Variants in GRID2 observed in about 807,000 individuals in gnomAD.
GRID2 encodes the protein glutamate ionotropic receptor delta type subunit 2, also known as glutamate receptor ionotropic, delta-2.
In GRID2, 33 loss-of-function variants were observed where a neutral mutation model predicts 114.8. The ratio of observed to expected loss-of-function variants is 0.29; its 90% CI spans 0.22 to 0.38. The LOEUF (loss-of-function observed/expected upper bound fraction) is 0.38. GRID2 is among the 10% of genes least tolerant of loss of function. The probability of loss-of-function intolerance (pLI) is 1.00; values close to 1 mark genes in which losing one functional copy is unlikely to be tolerated. For synonymous variants in GRID2, 505 were observed against 449.9 expected, an observed-to-expected ratio of 1.12 and a Z score of -1.55; for missense variants, 1,184 against 1,257.7, an observed-to-expected ratio of 0.94 and a Z score of 0.89.
At chr4:92,662,731 T>G (rs1405019039) in intron 2 of GRID2, among the ~76,000 whole-genome samples, 2 of 151,202 alleles carry the variant, frequency 1.3e-5, no homozygotes, top group African/African-American at 4.8e-5. Context: ...CTGGAACATA[T>G]ATTCCAAATC....
intron 2 of GRID2, among the ~76,000 whole-genome samples, chr4:92,940,082 G>GT (rs749910095): frequency 2.0e-5 from 3 of 146,924 alleles, no homozygotes; most frequent in African/African-American, 4.9e-5. Context: ...ATTTAAAGTA[G>GT]TTTTTTCCAA....
chr4:92,487,078 A>G (rs903840475), intron 1 of GRID2, among the ~76,000 whole-genome samples: 3 of 151,904 alleles, frequency 2.0e-5, no homozygotes, highest in African/African-American at 4.8e-5. Flanking sequence ...GTTATGATCT[A>G]TCTGGTTACA....
intron 2 of GRID2, among the ~76,000 whole-genome samples, chr4:92,921,275 T>A (rs1353984904): frequency 6.6e-6 from 1 of 152,134 alleles, no homozygotes; most frequent in African/African-American, 2.4e-5. Flanking sequence ...GGTTTTTAAC[T>A]TCTTTACCGT....
At chr4:92,603,357 C>T (rs1729311486) in intron 2 of GRID2, among the ~76,000 whole-genome samples, 1 of 152,018 alleles carries the variant, frequency 6.6e-6, no homozygotes, top group African/African-American at 2.4e-5. Context: ...ACACACAGAC[C>T]AATGGAACAC....
At chr4:93,484,273 T>C (rs1277794627) in intron 11 of GRID2, among the ~76,000 whole-genome samples, 1 of 151,902 alleles carries the variant, frequency 6.6e-6, no homozygotes, top group African/African-American at 2.4e-5. Context: ...CATTTTTCAC[T>C]CTTCCCAAAG....
intron 1 of GRID2, among the ~76,000 whole-genome samples, chr4:92,503,824 C>G (rs1723813855): frequency 6.6e-6 from 1 of 152,050 alleles, no homozygotes; most frequent in Non-Finnish European, 1.5e-5. Context: ...CCAGGGATCT[C>G]TAACAGATCT....
At position 93,792,086 on chromosome 4, in the gene GRID2, A is replaced by G. The variant is rs531162984; in HGVS notation, c.222-14629A>G. Among the ~76,000 whole-genome samples, 3 of 152,360 alleles carry G rather than the reference A, an allele frequency of 2.0e-5. No homozygotes were observed. The South Asian group carries it at 6.2e-4, about 32-fold the overall frequency. ...TCTGTTGTTTTCTTAGTTCATAAAA[A>G]TAAAAATGAAAAGAAATGGAAATAT... On this transcript the variant is annotated intron_variant, in intron 1 of 1. Coordinates refer to the GRID2 transcript ENST00000637838.
intron 12 of GRID2, among the ~76,000 whole-genome samples, chr4:93,494,366 G>GGA (rs780999229): frequency 3.3e-5 from 5 of 150,854 alleles, no homozygotes; most frequent in Admixed American, 2.0e-4. Flanking sequence ...TCAGTGAAGG[G>GGA]GAGAGAGAGA....
intron 6 of GRID2, among the ~76,000 whole-genome samples, chr4:93,224,237 G>A (rs1440176203): frequency 6.6e-6 from 1 of 152,076 alleles, no homozygotes; most frequent in Non-Finnish European, 1.5e-5. Flanking sequence ...AACATATTCA[G>A]AAAATGTATT....
chr4:93,684,852 G>A (rs1725932026), intron 14 of GRID2, among the ~76,000 whole-genome samples: 1 of 151,952 alleles, frequency 6.6e-6, no homozygotes, highest in African/African-American at 2.4e-5. Context: ...GAAGACTCGG[G>A]ACCATGACTA....
chr4:93,277,377 G>A (rs1447943054), intron 8 of GRID2, among the ~76,000 whole-genome samples: 1 of 151,792 alleles, frequency 6.6e-6, no homozygotes, highest in Non-Finnish European at 1.5e-5. Context: ...CACTATAAAT[G>A]TTTTAAGCAC....
At chr4:92,779,402 TC>T (rs1452417630) in intron 2 of GRID2, among the ~76,000 whole-genome samples, 2 of 152,132 alleles carry the variant, frequency 1.3e-5, no homozygotes, top group African/African-American at 4.8e-5. Flanking sequence ...TCTTAGATTT[TC>T]TCATTACTTT....
In GRID2 at chr4:93,295,130, C is replaced by T. The variant is rs79945431; in HGVS notation, c.1245+56640C>T. ...CTAGTAAAAGCCTAAGGTGGAGATG[C>T]AGGCAACTGGGTGAATAAAATGAAA... is the stretch of plus-strand genomic sequence containing the variant. On this transcript the variant is annotated intron_variant, in intron 8 of 15. Transcript: ENST00000282020. 2.9e-3 allele frequency among the ~76,000 whole-genome samples: 439 copies of T among 152,138 alleles called. 3 individuals are homozygous for T. The highest frequency in any genetic ancestry group is 9.9e-3 in the African/African-American group (410 of 41,506).
intron 1 of GRID2, among the ~76,000 whole-genome samples, chr4:92,562,867 G>A (rs1727163596): frequency 6.6e-6 from 1 of 152,124 alleles, no homozygotes; most frequent in Non-Finnish European, 1.5e-5. Flanking sequence ...CTGGCAGAGT[G>A]CCCTGATGCT....
intron 14 of GRID2, among the ~76,000 whole-genome samples, chr4:93,726,754 A>G (rs553798769): frequency 6.6e-6 from 1 of 152,228 alleles, no homozygotes; most frequent in Non-Finnish European, 1.5e-5. Context: ...GCAATTGTGA[A>G]TGGGAGTTCA....
chr4:93,087,732 A>G (rs1202666385), intron 3 of GRID2, among the ~76,000 whole-genome samples: 3 of 152,184 alleles, frequency 2.0e-5, no homozygotes, highest in Non-Finnish European at 4.4e-5. Context: ...TTCTGCTTCT[A>G]TCACTAACAT....
intron 13 of GRID2, among the ~76,000 whole-genome samples, chr4:93,606,684 T>C (rs958775684): frequency 3.3e-5 from 5 of 152,202 alleles, no homozygotes; most frequent in African/African-American, 1.2e-4. Flanking sequence ...CATTATAATT[T>C]TATGTAAACA....
chr4:93,389,269 C>A (rs1026272133), intron 8 of GRID2, among the ~76,000 whole-genome samples: 2 of 151,956 alleles, frequency 1.3e-5, no homozygotes, highest in African/African-American at 4.8e-5. Context: ...GAAAATCCAG[C>A]AACTTTTATC....
At chr4:92,628,319 T>C (rs1730623150) in intron 2 of GRID2, among the ~76,000 whole-genome samples, 2 of 152,028 alleles carry the variant, frequency 1.3e-5, no homozygotes, top group Admixed American at 1.3e-4. Context: ...CAGTAAAAGA[T>C]TAAGAAGGGC....
Sources: gnomAD v4.1 joint callset for allele counts (sites outside exome capture counted in the v4.1 genomes callset) on GRCh38, gnomAD v4.1.1 for gene constraint, MANE v1.5 for transcripts, NCBI Gene and HGNC (gene_info 2026-07-23, HGNC 2026-07-21) for gene names.